CFAP100: variants seen among roughly 807,000 people sequenced by gnomAD.
CFAP100 encodes the protein cilia- and flagella-associated protein 100.
CFAP100 carries 70 observed loss-of-function variants against 81.5 expected under a neutral mutation model. The ratio of observed to expected loss-of-function variants is 0.86; its 90% CI spans 0.71 to 1.05. The LOEUF is 1.05. CFAP100 is among the 50% of genes least tolerant of loss of function. The pLI is 0.00. For synonymous variants in CFAP100, 341 were observed against 314.8 expected, an observed-to-expected ratio of 1.08 and a Z score of -0.88; for missense variants, 811 against 776.5, an observed-to-expected ratio of 1.04 and a Z score of -0.53.
rs777116104 is a variant in CFAP100 at position 126,418,698 on chromosome 3, T to A, written c.574T>A (p.Ser192Thr). 3 of 1,587,134 alleles carry A rather than the reference T, an allele frequency of 1.9e-6. No homozygotes were observed. In the Admixed American group the frequency reaches 5.5e-5, roughly 29 times the overall value. ...EEARLERAEK[S>T]LEKDAALFDE... ...GGCCAGGCTGGAGCGGGCCGAGAAATCCCTGGAGAAGGACGCCGCCTTGTT... is the reference window on the plus strand; with the variant it reads ...GGCCAGGCTGGAGCGGGCCGAGAAAACCCTGGAGAAGGACGCCGCCTTGTT... Residue 192 changes from serine (S) to threonine (T), a missense_variant, in exon 7 of 17, where the codon TCC (serine) becomes ACC (threonine). Coordinates refer to ENST00000352312, the MANE Select transcript of CFAP100 (RefSeq NM_182628.3).
At chr3:126,396,769 G>A (rs528833644) in intron 2 of CFAP100, 2 of 152,348 alleles carry the variant, frequency 1.3e-5, no homozygotes, top group East Asian at 3.9e-4. Flanking sequence ...GATGAAACAT[G>A]CCTGCCCTAG....
chr3:126,396,479 C>G (rs879390877), intron 2 of CFAP100: 12 of 172,154 alleles, frequency 7.0e-5, no homozygotes, highest in Admixed American at 1.2e-4. Flanking sequence ...CCAAATTTCC[C>G]CATTTTACAG....
chr3:126,435,034 C>T (rs114283441), intron 15 of CFAP100, among the ~76,000 whole-genome samples: 4,480 of 152,264 alleles, frequency 0.029, 76 homozygotes, highest in Middle Eastern at 0.054. Flanking sequence ...CCGTGCAGGG[C>T]TCTGAGACAG....
intron 8 of CFAP100, 150 bp from the exon 9 acceptor site, chr3:126,419,486 TC>T: frequency 1.4e-6 from 1 of 704,590 alleles, no homozygotes. Context: ...GTGCCTGTCT[TC>T]CAGCATGTGG....
chr3:126,409,182 CAG>C (rs2083116286), intron 3 of CFAP100, among the ~76,000 whole-genome samples: 1 of 152,192 alleles, frequency 6.6e-6, no homozygotes, highest in Non-Finnish European at 1.5e-5. Flanking sequence ...ATCCGTCCCC[CAG>C]AGACAGGCAC....
intron 2 of CFAP100, among the ~76,000 whole-genome samples, chr3:126,404,002 C>T (rs1441463437): frequency 6.6e-6 from 1 of 152,136 alleles, no homozygotes; most frequent in South Asian, 2.1e-4. Context: ...ACAAATAAGC[C>T]AGTGTCCATC....
At chr3:126,433,308 C>G in intron 14 of CFAP100, 104 bp downstream of exon 14, 2 of 1,376,402 alleles carry the variant, frequency 1.5e-6, no homozygotes, top group South Asian at 2.6e-5. Context: ...GGACAAGGCC[C>G]GGGTGAGTGC....
chr3:126,400,714 T>A (rs930810581), intron 2 of CFAP100, among the ~76,000 whole-genome samples: 1 of 151,668 alleles, frequency 6.6e-6, no homozygotes, highest in Non-Finnish European at 1.5e-5. Flanking sequence ...ATTGCGCCAC[T>A]GCACTCCAGC....
At chr3:126,427,556 C>G (rs142579186) in intron 13 of CFAP100, among the ~76,000 whole-genome samples, 255 of 152,258 alleles carry the variant, frequency 1.7e-3, no homozygotes, top group Middle Eastern at 0.01. Context: ...AGGTTTTCAA[C>G]TCATTTGGGT....
rs577996290 is a variant in CFAP100, at chr3:126,415,527, T to C, written c.226-789T>C. ...CCTGAGGATACAGTAGGTGACATTT[T>C]CCTGACTGCAGTGATGGGGACGTGC... is the stretch of plus-strand genomic sequence containing the variant. On this transcript the variant is annotated intron_variant, in intron 4 of 16. Coordinates refer to ENST00000352312, the MANE Select transcript of CFAP100 (RefSeq NM_182628.3). 5.3e-5 allele frequency among the ~76,000 whole-genome samples: 8 copies of C among 152,298 alleles called. No individual in the cohort carries two copies. The South Asian group carries it at 1.7e-3, about 32-fold the overall frequency.
intron 5 of CFAP100, 22 bp from the exon 6 acceptor site, chr3:126,418,436 C>T (rs762105257): frequency 6.2e-7 from 1 of 1,613,270 alleles, no homozygotes; most frequent in South Asian, 1.1e-5. Flanking sequence ...CGCTCCTGCT[C>T]ACCTCCCTCT....
intron 13 of CFAP100, among the ~76,000 whole-genome samples, chr3:126,424,420 G>A (rs140313440): frequency 1.2e-4 from 19 of 152,354 alleles, no homozygotes; most frequent in African/African-American, 4.6e-4. Context: ...AGCAGGAGAA[G>A]TCAGGTGGCT....
chr3:126,405,388 C>G (rs1352804279), intron 2 of CFAP100, among the ~76,000 whole-genome samples: 1 of 152,208 alleles, frequency 6.6e-6, no homozygotes, highest in Non-Finnish European at 1.5e-5. Flanking sequence ...CTTGGCCTGG[C>G]ATGGTGGCTC....
At chr3:126,417,042 C>T (rs2083254825) in intron 5 of CFAP100, among the ~76,000 whole-genome samples, 1 of 152,168 alleles carries the variant, frequency 6.6e-6, no homozygotes. Flanking sequence ...TGCTGTATTG[C>T]GTGATTCGGA....
chr3:126,418,001 C>A (rs530214223), intron 5 of CFAP100: 8 of 170,226 alleles, frequency 4.7e-5, no homozygotes, highest in South Asian at 4.6e-4. Flanking sequence ...CTGGTTTAAA[C>A]CCTGGCAGTG....
rs1367187034 is a variant in CFAP100, at chr3:126,436,283, C to T, written c.1723-8C>T. 1 of 1,609,692 alleles carries T rather than the reference C, an allele frequency of 6.2e-7. No homozygotes were observed. The highest frequency in any genetic ancestry group is 8.5e-7 in the Non-Finnish European group (1 of 1,176,460). ...CAGCAAGGCTCACTGGGCTTGTTTC[C>T]CCTGCAGAGAGGCAGGACACTGGTA... On this transcript the variant is annotated splice_region_variant and splice_polypyrimidine_tract_variant and intron_variant, in intron 16 of 16. Transcript: ENST00000352312.
At chr3:126,428,297 T>G (rs1405759707) in intron 13 of CFAP100, among the ~76,000 whole-genome samples, 1 of 152,146 alleles carries the variant, frequency 6.6e-6, no homozygotes, top group Admixed American at 6.5e-5. Context: ...TCTATGATAT[T>G]CTGGAGAAGG....
intron 2 of CFAP100, among the ~76,000 whole-genome samples, chr3:126,399,079 A>G (rs1038152492): frequency 3.3e-5 from 5 of 152,056 alleles, no homozygotes; most frequent in Admixed American, 6.5e-5. Context: ...GCTCATTTAG[A>G]TGTCAGCTCC....
chr3:126,418,365 C>A, intron 5 of CFAP100, 93 bp from the exon 6 acceptor site: 1 of 1,142,464 alleles, frequency 8.8e-7, no homozygotes, highest in Non-Finnish European at 1.3e-6. Flanking sequence ...AAAGCAGTGG[C>A]CAGCAGCCGG....
Sources: allele counts gnomAD v4.1 joint callset (sites outside exome capture counted in the v4.1 genomes callset), GRCh38; gene constraint gnomAD v4.1.1; transcripts MANE v1.5; gene names NCBI Gene and HGNC (gene_info 2026-07-23, HGNC 2026-07-21).